The following EYS variants were observed in gnomAD, a reference collection of about 807,000 sequenced individuals.
EYS encodes the protein protein eyes shut homolog.
A neutral mutation model predicts 282.1 loss-of-function variants in EYS; 250 were observed. That is an observed-to-expected ratio of 0.89 (90% CI 0.80 to 0.98). The LOEUF is 0.98. Among genes scored for constraint, EYS ranks in the 50% least tolerant of loss-of-function variants. The pLI is 0.00. For missense variants in EYS, 4,016 were observed against 3,709.0 expected (o/e 1.08, Z -2.15); for synonymous variants, 1,355 against 1,282.9 (o/e 1.06, Z -1.20).
At chr6:64,216,766 C>G (rs181066083) in intron 31 of EYS, among the ~76,000 whole-genome samples, 4 of 152,080 alleles carry the variant, frequency 2.6e-5, no homozygotes, top group Non-Finnish European at 4.4e-5. Flanking sequence ...CTCCTTAGTC[C>G]GAAGAAGTCC....
At chr6:65,590,164 G>T (rs1250128140) in intron 2 of EYS, among the ~76,000 whole-genome samples, 2 of 151,942 alleles carry the variant, frequency 1.3e-5, no homozygotes, top group African/African-American at 2.4e-5. Context: ...AGCAAGATGA[G>T]TGTCAATTAT....
At chr6:65,189,440 T>C (rs774421634) in intron 12 of EYS, among the ~76,000 whole-genome samples, 32 of 151,736 alleles carry the variant, frequency 2.1e-4, no homozygotes, top group Admixed American at 3.3e-4. Context: ...ATGGAACATA[T>C]TAATAAAGTT....
intron 21 of EYS, among the ~76,000 whole-genome samples, chr6:64,814,433 T>C (rs1206834884): frequency 6.6e-6 from 1 of 152,056 alleles, no homozygotes; most frequent in African/African-American, 2.4e-5. Context: ...GTAAATATTA[T>C]CTTTCTTTCT....
chr6:64,393,217 T>C (rs1461045154), intron 28 of EYS, among the ~76,000 whole-genome samples: 2 of 152,162 alleles, frequency 1.3e-5, no homozygotes, highest in Non-Finnish European at 2.9e-5. Context: ...GAGGAACTGG[T>C]ACCATTCCTT....
intron 22 of EYS, among the ~76,000 whole-genome samples, chr6:64,794,331 A>G (rs1774285892): frequency 6.6e-6 from 1 of 152,206 alleles, no homozygotes; most frequent in South Asian, 2.1e-4. Flanking sequence ...CTAAAATCTC[A>G]TATTGAATTG....
chr6:64,544,845 C>A, intron 26 of EYS, among the ~76,000 whole-genome samples: 1 of 152,074 alleles, frequency 6.6e-6, no homozygotes, highest in East Asian at 1.9e-4. Flanking sequence ...TCTGAATAGA[C>A]CAATAACAGG....
intron 22 of EYS, among the ~76,000 whole-genome samples, chr6:64,793,041 G>T (rs1394993414): frequency 6.6e-6 from 1 of 152,018 alleles, no homozygotes; most frequent in Non-Finnish European, 1.5e-5. Context: ...AAGTCATTTA[G>T]CTAATTAATG....
At chr6:63,876,961 C>T (rs536375510) in intron 35 of EYS, among the ~76,000 whole-genome samples, 106 of 152,214 alleles carry the variant, frequency 7.0e-4, no homozygotes, top group African/African-American at 2.5e-3. Flanking sequence ...GCATTTAGCC[C>T]ATTTACATTT....
At chr6:64,281,875 G>A (rs1768322103) in intron 30 of EYS, among the ~76,000 whole-genome samples, 1 of 152,070 alleles carries the variant, frequency 6.6e-6, no homozygotes, top group African/African-American at 2.4e-5. Context: ...AAGATTGGAG[G>A]GTTTTTTGCA....
chr6:65,299,862 A>G (rs542625202), intron 11 of EYS, among the ~76,000 whole-genome samples: 2 of 152,258 alleles, frequency 1.3e-5, no homozygotes, highest in South Asian at 2.1e-4. Context: ...CATTTCTTAC[A>G]CTGCTCCTTA....
At position 65,574,911 on chromosome 6, in the gene EYS, T is replaced by C. The variant is rs114015744; in HGVS notation, c.-333+64867A>G. On this transcript the variant is annotated intron_variant, in intron 2 of 42. Coordinates refer to ENST00000503581, the MANE Select transcript of EYS (RefSeq NM_001142800.2). ...AAATTTAAGAAGATTGAAATCATAT[T>C]AAATATATTTTTGACCATAGTGTTA... Among the ~76,000 whole-genome samples the C allele has an allele frequency of 7.7e-3, 1,172 of 152,276 alleles. 19 individuals carry two copies. The highest frequency in any genetic ancestry group is 0.025 in the African/African-American group (1,050 of 41,574).
intron 33 of EYS, among the ~76,000 whole-genome samples, chr6:64,000,806 T>G (rs1319498441): frequency 6.6e-6 from 1 of 152,138 alleles, no homozygotes; most frequent in Non-Finnish European, 1.5e-5. Context: ...GGCTTCCACT[T>G]TAGCTTACCA....
chr6:65,079,339 A>G (rs1384044702), intron 12 of EYS, among the ~76,000 whole-genome samples: 2 of 152,118 alleles, frequency 1.3e-5, no homozygotes, highest in Non-Finnish European at 2.9e-5. Context: ...ACTTTAATTT[A>G]AATTTAAAAA....
At chr6:65,489,211 A>G (rs1198343625) in intron 5 of EYS, 3 of 152,100 alleles carry the variant, frequency 2.0e-5, no homozygotes, top group African/African-American at 7.2e-5. Context: ...TGGGAGAAAA[A>G]TTTTGCAATC....
At chr6:65,526,247 G>A (rs12525235) in intron 2 of EYS, among the ~76,000 whole-genome samples, 15,623 of 152,182 alleles carry the variant, frequency 0.1, 1,143 homozygotes, top group African/African-American at 0.19. Context: ...ATTGACATAT[G>A]ATTTGGGGAA....
Position 63,948,218 on chromosome 6 carries a change from C to T in EYS, c.7055+36165G>A, listed in dbSNP as rs116175091. ...CATACTTGGCTGCACAGAACACTTG[C>T]GATCTGTCCTTTCTTTGTAGAAGCT... On this transcript the variant is annotated intron_variant, in intron 35 of 42. Transcript: ENST00000503581. 9.7e-4 allele frequency among the ~76,000 whole-genome samples: 147 copies of T among 152,298 alleles called. 1 individual carries two copies. Among genetic ancestry groups the T allele is most frequent in the African/African-American group, 3.1e-3 (130 of 41,572 alleles).
intron 33 of EYS, among the ~76,000 whole-genome samples, chr6:64,038,785 T>C (rs1413163498): frequency 1.3e-5 from 2 of 151,898 alleles, no homozygotes; most frequent in Non-Finnish European, 2.9e-5. Flanking sequence ...TTCTTTTTAC[T>C]TTTGTTTTCT....
rs1440110760 is a variant in EYS, at chr6:65,353,600, C to A, written c.1317G>T (p.Gly439=). Residue 439 remains glycine, a synonymous_variant, in exon 9 of 43, where the codon GGG becomes GGT. Transcript: ENST00000503581. ...IGRFKYVCIP[G]CTKNPCWFLK... ...AAAACCAACATGGATTTTTTGTGCA[C>A]CCTGGAATGCATACATACTGCAAAA... 6.2e-7 allele frequency: 1 copy of A among 1,612,612 alleles called. No homozygotes were observed. Among genetic ancestry groups the A allele is most frequent in the Non-Finnish European group, 8.5e-7 (1 of 1,179,084 alleles).
intron 26 of EYS, among the ~76,000 whole-genome samples, chr6:64,479,650 T>A (rs1459502048): frequency 7.2e-5 from 11 of 151,896 alleles, no homozygotes; most frequent in Non-Finnish European, 1.2e-4. Context: ...TTCCTATATT[T>A]AGAGATAATT....
Sources: gnomAD v4.1 joint callset for allele counts (sites outside exome capture counted in the v4.1 genomes callset) on GRCh38, gnomAD v4.1.1 for gene constraint, MANE v1.5 for transcripts, NCBI Gene and HGNC (gene_info 2026-07-23, HGNC 2026-07-21) for gene names.